Variants in MSI2 observed in about 807,000 individuals in gnomAD.
MSI2 encodes the protein musashi RNA binding protein 2, also known as RNA-binding protein Musashi homolog 2.
Under a neutral mutation model 45.6 loss-of-function variants are expected in MSI2, and 17 were observed. The ratio of observed to expected loss-of-function variants is 0.37; its 90% CI spans 0.26 to 0.56. The LOEUF is 0.56. MSI2 is among the 20% of genes least tolerant of loss of function. The pLI is 0.77. For missense variants in MSI2, 293 were observed against 444.2 expected (o/e 0.66, Z 3.06); for synonymous variants, 156 against 158.2 (o/e 0.99, Z 0.11).
At chr17:57,515,941 A>G (rs1025621507) in intron 6 of MSI2, among the ~76,000 whole-genome samples, 1 of 152,136 alleles carries the variant, frequency 6.6e-6, no homozygotes, top group Non-Finnish European at 1.5e-5. Context: ...AGGACTCACA[A>G]GAAGTTGTAA....
In MSI2 at chr17:57,652,284, A is replaced by T; in HGVS notation, c.790+123A>T. 2 of 963,176 alleles carry T rather than the reference A, an allele frequency of 2.1e-6. No homozygotes were observed. Among genetic ancestry groups the T allele is most frequent in the Non-Finnish European group, 1.5e-6 (1 of 649,726 alleles). 59.7% of individuals were successfully genotyped at this position (963,176 alleles called of 1,614,324 possible). On this transcript the variant is annotated intron_variant, in intron 11 of 13. Coordinates refer to ENST00000284073, the MANE Select transcript of MSI2 (RefSeq NM_138962.4). This position sits in a 1 kb window ranked among gnomAD's most constrained non-coding sequence, Gnocchi z 4.1. ...CACCACTCTCACCACAGCCCCGGGG[A>T]GGGGGTGGACGGGGAGGGGGTGGAC...
At chr17:57,533,727 C>A (rs1440996190) in intron 7 of MSI2, among the ~76,000 whole-genome samples, 2 of 152,180 alleles carry the variant, frequency 1.3e-5, no homozygotes, top group Non-Finnish European at 2.9e-5. Flanking sequence ...CGATGCCCTT[C>A]TGTAATGGGG....
rs962106656 is a variant in MSI2 at position 57,682,570 on chromosome 17, G to A, written c.*3053G>A. On this transcript the variant is annotated 3_prime_UTR_variant, in exon 14 of 14. Transcript: ENST00000284073. ...CATAGCACAAATCTTGTGGAAATCC[G>A]ATATGTTTTAATGTGGCTACCTAGG... is the stretch of plus-strand genomic sequence containing the variant. 3.3e-5 allele frequency: 7 copies of A among 210,900 alleles called. No individual in the cohort carries two copies. Among genetic ancestry groups the A allele is most frequent in the East Asian group, 1.4e-4 (2 of 13,878 alleles). The allele number at this position is 210,900 out of a possible 1,614,324, so 13.1% of individuals were successfully genotyped here.
intron 6 of MSI2, among the ~76,000 whole-genome samples, chr17:57,528,969 A>G (rs1315402047): frequency 4.6e-5 from 7 of 152,184 alleles, no homozygotes; most frequent in Non-Finnish European, 8.8e-5. Context: ...TAAGTAAGCT[A>G]TGGCTTCTTA....
At chr17:57,383,198 A>G (rs1318683399) in intron 5 of MSI2, among the ~76,000 whole-genome samples, 2 of 152,206 alleles carry the variant, frequency 1.3e-5, no homozygotes, top group African/African-American at 4.8e-5. Context: ...CAAGATTATC[A>G]TAGTTTTAGA....
intron 5 of MSI2, among the ~76,000 whole-genome samples, chr17:57,361,574 TC>T (rs1916815391): frequency 6.9e-6 from 1 of 143,962 alleles, no homozygotes; most frequent in African/African-American, 2.6e-5. Flanking sequence ...GCCACTGCAC[TC>T]AAGCCTGGGT....
chr17:57,609,033 C>T (rs533389337), intron 8 of MSI2, among the ~76,000 whole-genome samples: 91 of 152,302 alleles, frequency 6.0e-4, no homozygotes, highest in South Asian at 1.2e-3. Flanking sequence ...GCTCACCCCT[C>T]CTGCCTCAGT....
rs1193354643 is a variant in MSI2 at position 57,680,577 on chromosome 17, T to G, written c.*1060T>G. On this transcript the variant is annotated 3_prime_UTR_variant, in exon 14 of 14. Transcript: ENST00000284073. ...GTCTGTGTGATAGACCTAAGAACTG[T>G]ATTAGTGTTGTACCAGCCTATTAAC... is the stretch of plus-strand genomic sequence containing the variant. 4.4e-6 allele frequency: 1 copy of G among 227,054 alleles called. No homozygotes were observed. Among genetic ancestry groups the G allele is most frequent in the African/African-American group, 2.2e-5 (1 of 44,960 alleles). The allele number at this position is 227,054 out of a possible 1,614,324, so 14.1% of individuals were successfully genotyped here. A position where few individuals can be genotyped will look rare whatever the true frequency, so the allele number is the denominator to read the frequency against.
chr17:57,441,022 C>T (rs1187078642), intron 6 of MSI2, among the ~76,000 whole-genome samples: 2 of 152,208 alleles, frequency 1.3e-5, no homozygotes, highest in Non-Finnish European at 2.9e-5. Context: ...TGCCGCTCTC[C>T]CAGGGCTGCA....
intron 5 of MSI2, chr17:57,278,187 G>T (rs999716414): frequency 6.6e-6 from 1 of 152,468 alleles, no homozygotes; most frequent in Non-Finnish European, 1.5e-5. Flanking sequence ...AACAGAGCAA[G>T]ACCCTGTCTC....
intron 11 of MSI2, among the ~76,000 whole-genome samples, chr17:57,660,864 G>T (rs530421435): frequency 6.6e-6 from 1 of 152,342 alleles, no homozygotes; most frequent in African/African-American, 2.4e-5. Context: ...GGCAGAATCA[G>T]AGCAGGGGAC....
At chr17:57,458,176 T>C (rs943085034) in intron 6 of MSI2, among the ~76,000 whole-genome samples, 5 of 150,824 alleles carry the variant, frequency 3.3e-5, no homozygotes, top group African/African-American at 9.8e-5. Context: ...TCTTGGCTCA[T>C]TGCAAGCTCC....
At chr17:57,258,419 AT>A (rs1907016596) in intron 4 of MSI2, 65 bp downstream of exon 4, 1 of 1,286,580 alleles carries the variant, frequency 7.8e-7, no homozygotes, top group African/African-American at 1.5e-5. Context: ...TGACAGCCCC[AT>A]TTAAAGGGAC....
At chr17:57,486,893 A>G (rs1231728925) in intron 6 of MSI2, among the ~76,000 whole-genome samples, 1 of 152,216 alleles carries the variant, frequency 6.6e-6, no homozygotes, top group Non-Finnish European at 1.5e-5. Flanking sequence ...CCTTACTGGC[A>G]GGGATCACAG....
At chr17:57,380,995 C>T (rs1477772903) in intron 5 of MSI2, among the ~76,000 whole-genome samples, 1 of 152,160 alleles carries the variant, frequency 6.6e-6, no homozygotes, top group Non-Finnish European at 1.5e-5. Flanking sequence ...ATACCCCCAG[C>T]TCCCACACCA....
At chr17:57,483,681 G>A (rs768108447) in intron 6 of MSI2, among the ~76,000 whole-genome samples, 2 of 152,326 alleles carry the variant, frequency 1.3e-5, no homozygotes, top group East Asian at 1.9e-4. Context: ...TGTCTCTGAG[G>A]GGGTGGATGC....
At chr17:57,428,493 C>T (rs774837744) in intron 6 of MSI2, among the ~76,000 whole-genome samples, 1 of 152,122 alleles carries the variant, frequency 6.6e-6, no homozygotes, top group African/African-American at 2.4e-5. Flanking sequence ...CAGCCTCAAA[C>T]TCCTGGGCAC....
At chr17:57,604,324 A>G (rs551245902) in intron 8 of MSI2, among the ~76,000 whole-genome samples, 2 of 152,326 alleles carry the variant, frequency 1.3e-5, no homozygotes, top group South Asian at 4.1e-4. Flanking sequence ...CATTGTCATC[A>G]TTCTTAGAAT....
intron 7 of MSI2, among the ~76,000 whole-genome samples, chr17:57,550,586 A>G (rs1463611519): frequency 6.6e-6 from 1 of 152,080 alleles, no homozygotes; most frequent in Non-Finnish European, 1.5e-5. Context: ...TTTCTTTTCC[A>G]AAAGTAATTT....
Sources: gnomAD v4.1 joint callset for allele counts (sites outside exome capture counted in the v4.1 genomes callset) on GRCh38, gnomAD v4.1.1 for gene constraint, Gnocchi (gnomAD v3.1) non-coding constraint, MANE v1.5 for transcripts, NCBI Gene and HGNC (gene_info 2026-07-23, HGNC 2026-07-21) for gene names.